The following CTNNA2 variants were observed in gnomAD, a reference collection of about 807,000 sequenced individuals.
CTNNA2 encodes catenin alpha 2, also known as catenin alpha-2.
CTNNA2 carries 42 observed loss-of-function variants against 101.0 expected under a neutral mutation model. The observed-to-expected ratio is 0.42, with a 90% confidence interval of 0.32 to 0.54. The LOEUF (loss-of-function observed/expected upper bound fraction) is 0.54, where lower values mean the gene tolerates loss of function less well. Among genes scored for constraint, CTNNA2 ranks in the 20% least tolerant of loss-of-function variants. The pLI is 0.14. For synonymous variants in CTNNA2, 450 were observed against 456.4 expected (o/e 0.99, Z 0.18); for missense variants, 871 against 1,223.1 (o/e 0.71, Z 4.29).
At chr2:79,724,219 TG>T (rs778612754) in intron 2 of CTNNA2, among the ~76,000 whole-genome samples, 2 of 151,364 alleles carry the variant, frequency 1.3e-5, no homozygotes, top group Non-Finnish European at 2.9e-5. Context: ...CTTTTGGCTC[TG>T]GGTTTGGTCT....
chr2:80,610,013 C>G (rs1474194899), intron 17 of CTNNA2, among the ~76,000 whole-genome samples: 1 of 151,722 alleles, frequency 6.6e-6, no homozygotes, highest in Admixed American at 6.6e-5. Flanking sequence ...GAAGCCTGTT[C>G]CCTTCTTTGA....
At chr2:80,639,025 A>G (rs978548617) in intron 18 of CTNNA2, among the ~76,000 whole-genome samples, 7 of 148,282 alleles carry the variant, frequency 4.7e-5, no homozygotes, top group Admixed American at 1.4e-4. Flanking sequence ...TACTTAAGGA[A>G]GCCCTGAAGA....
At chr2:80,022,180 G>A (rs1272435817) in intron 7 of CTNNA2, among the ~76,000 whole-genome samples, 3 of 152,220 alleles carry the variant, frequency 2.0e-5, no homozygotes, top group Non-Finnish European at 4.4e-5. Context: ...TTATATGACA[G>A]CACTGATACT....
intron 3 of CTNNA2, among the ~76,000 whole-genome samples, chr2:79,346,051 A>C (rs1276426996): frequency 6.6e-6 from 1 of 152,064 alleles, no homozygotes; most frequent in Non-Finnish European, 1.5e-5. Context: ...TAATCTGTGT[A>C]TATTGAGAGA....
At chr2:79,966,768 G>C (rs1341150591) in intron 7 of CTNNA2, among the ~76,000 whole-genome samples, 1 of 152,154 alleles carries the variant, frequency 6.6e-6, no homozygotes, top group Non-Finnish European at 1.5e-5. Context: ...ACGACTTTTA[G>C]CAACATTCAA....
chr2:79,434,295 C>CAAAA (rs367927495), intron 4 of CTNNA2, among the ~76,000 whole-genome samples: 1 of 95,490 alleles, frequency 1.0e-5, no homozygotes, highest in Non-Finnish European at 2.2e-5. Context: ...GAGACTCTGT[C>CAAAA]AAAAAAAAAA....
intron 2 of CTNNA2, among the ~76,000 whole-genome samples, chr2:79,661,138 C>T (rs541810461): frequency 1.8e-4 from 28 of 152,294 alleles, no homozygotes; most frequent in African/African-American, 6.5e-4. Context: ...GAACCACCTA[C>T]TGCAAATCAC....
intron 2 of CTNNA2, among the ~76,000 whole-genome samples, chr2:79,729,887 A>C (rs2104913201): frequency 6.6e-6 from 1 of 152,238 alleles, no homozygotes; most frequent in Admixed American, 6.5e-5. Context: ...AATAATGTAC[A>C]CTTACACATC....
At chr2:80,408,994 T>C (rs962657622) in intron 8 of CTNNA2, among the ~76,000 whole-genome samples, 9 of 152,090 alleles carry the variant, frequency 5.9e-5, no homozygotes, top group African/African-American at 2.2e-4. Context: ...TGAAACAATG[T>C]CTAGGAAAGT....
intron 7 of CTNNA2, among the ~76,000 whole-genome samples, chr2:80,108,220 A>G (rs901282539): frequency 2.6e-5 from 4 of 152,176 alleles, no homozygotes; most frequent in African/African-American, 9.7e-5. Context: ...TGGGTAGCCT[A>G]GGCTTTGGGG....
chr2:80,514,819 G>C (rs1688985275), intron 9 of CTNNA2, among the ~76,000 whole-genome samples: 1 of 152,160 alleles, frequency 6.6e-6, no homozygotes, highest in African/African-American at 2.4e-5. Flanking sequence ...GGGACAAGCT[G>C]TAGGTAGTTT....
chr2:79,596,964 A>G (rs116716955), intron 1 of CTNNA2, among the ~76,000 whole-genome samples: 76 of 152,310 alleles, frequency 5.0e-4, no homozygotes, highest in African/African-American at 1.7e-3. Flanking sequence ...AGTCATGAGA[A>G]TCACTCTTCT....
At chr2:79,631,523 A>G (rs1679693531) in intron 1 of CTNNA2, among the ~76,000 whole-genome samples, 1 of 152,220 alleles carries the variant, frequency 6.6e-6, no homozygotes, top group South Asian at 2.1e-4. Flanking sequence ...TATGTAACAT[A>G]CACATTTTAG....
intron 4 of CTNNA2, among the ~76,000 whole-genome samples, chr2:79,437,252 G>T (rs1401140966): frequency 1.3e-5 from 2 of 151,274 alleles, no homozygotes; most frequent in Non-Finnish European, 2.9e-5. Flanking sequence ...AAAAATTAGA[G>T]ATATATATAT....
At chr2:79,752,050 A>G (rs959482907) in intron 3 of CTNNA2, among the ~76,000 whole-genome samples, 3 of 152,170 alleles carry the variant, frequency 2.0e-5, no homozygotes, top group African/African-American at 7.2e-5. Context: ...TTTAGGAGTG[A>G]CAGGGGCAGG....
intron 9 of CTNNA2, among the ~76,000 whole-genome samples, chr2:80,453,276 C>T (rs1683670207): frequency 6.6e-6 from 1 of 152,078 alleles, no homozygotes; most frequent in African/African-American, 2.4e-5. Context: ...CATGGTTGGG[C>T]ATGGCCAAGG....
intron 2 of CTNNA2, among the ~76,000 whole-genome samples, chr2:79,251,283 C>T (rs555296970): frequency 6.6e-6 from 1 of 152,306 alleles, no homozygotes; most frequent in East Asian, 1.9e-4. Flanking sequence ...ATTCAAAAAA[C>T]CCTGCTGTTT....
chr2:79,927,444 T>G (rs1687099854), intron 7 of CTNNA2, among the ~76,000 whole-genome samples: 1 of 151,968 alleles, frequency 6.6e-6, no homozygotes, highest in African/African-American at 2.4e-5. Flanking sequence ...GAGTCTGAAC[T>G]ACAGAGAAGA....
At chr2:79,810,677 C>A (rs1279807744) in intron 3 of CTNNA2, among the ~76,000 whole-genome samples, 15 of 151,536 alleles carry the variant, frequency 9.9e-5, no homozygotes, top group African/African-American at 3.7e-4. Context: ...TACCTCCCCC[C>A]TCCCCCCACT....
Sources: gnomAD v4.1 joint callset for allele counts (sites outside exome capture counted in the v4.1 genomes callset) on GRCh38, gnomAD v4.1.1 for gene constraint, MANE v1.5 for transcripts, NCBI Gene and HGNC (gene_info 2026-07-23, HGNC 2026-07-21) for gene names.